The following CCDC122 variants were observed in gnomAD, a reference collection of about 807,000 sequenced individuals.
The protein encoded by CCDC122 is coiled-coil domain-containing protein 122.
Under a neutral mutation model 37.0 loss-of-function variants are expected in CCDC122, and 38 were observed. That is an observed-to-expected ratio of 1.03 (90% CI 0.79 to 1.35). The LOEUF (loss-of-function observed/expected upper bound fraction) is 1.35. CCDC122 is among the 40% of genes most tolerant of loss of function. The pLI is 0.00. For missense variants in CCDC122, 305 were observed against 310.0 expected (o/e 0.98, Z 0.12); for synonymous variants, 83 against 95.6 (o/e 0.87, Z 0.77).
At chr13:43,821,035 A>G (rs1388074158), downstream of CCDC122, among the ~76,000 whole-genome samples, 1 of 152,208 alleles carries the variant, frequency 6.6e-6, no homozygotes, top group Non-Finnish European at 1.5e-5. Flanking sequence ...TCCATATGCT[A>G]TTCCATAAGG....
intron 6 of CCDC122, among the ~76,000 whole-genome samples, chr13:43,841,109 A>T (rs1272495662): frequency 6.6e-6 from 1 of 152,188 alleles, no homozygotes; most frequent in African/African-American, 2.4e-5. Flanking sequence ...ACCCATCACA[A>T]TTTATTTTTC....
At chr13:43,860,691 A>G (rs978414970) in intron 4 of CCDC122, among the ~76,000 whole-genome samples, 5 of 152,116 alleles carry the variant, frequency 3.3e-5, no homozygotes, top group Non-Finnish European at 7.4e-5. Context: ...AGTTCCTTCA[A>G]ATATAGGTCT....
rs369528771 is a variant in CCDC122 at position 43,837,443 on chromosome 13, A to G, written c.673-14T>C. 1 of 1,606,938 alleles carries G rather than the reference A, an allele frequency of 6.2e-7. No individual in the cohort carries two copies. The highest frequency in any genetic ancestry group is 1.7e-5 in the Admixed American group (1 of 58,444). ...CTTATGTTGTACCTATCAAAAGAAG[A>G]GCACACATCAACAGGGCTTGTGAAG... On this transcript the variant is annotated splice_polypyrimidine_tract_variant and intron_variant, in intron 6 of 6. Transcript: ENST00000444614.
intron 6 of CCDC122, among the ~76,000 whole-genome samples, chr13:43,851,776 C>A (rs527414514): frequency 1.1e-4 from 17 of 152,274 alleles, no homozygotes; most frequent in African/African-American, 3.6e-4. Context: ...GGATTCCTAA[C>A]CTTGAGGGGC....
At chr13:43,875,369 C>T (rs1348671) in intron 1 of CCDC122, among the ~76,000 whole-genome samples, 77,062 of 152,002 alleles carry the variant, frequency 0.51, 19,991 homozygotes, top group African/African-American at 0.6. Flanking sequence ...GATATATCCA[C>T]GTCCTAACTC....
chr13:43,845,098 A>C (rs1953475916), intron 6 of CCDC122, among the ~76,000 whole-genome samples: 1 of 151,354 alleles, frequency 6.6e-6, no homozygotes, highest in African/African-American at 2.4e-5. Flanking sequence ...GTTCCATTTC[A>C]TTTCTTCCTT....
downstream of CCDC122, among the ~76,000 whole-genome samples, chr13:43,820,178 C>T (rs1952983606): frequency 6.6e-6 from 1 of 152,226 alleles, no homozygotes; most frequent in Non-Finnish European, 1.5e-5. Flanking sequence ...GTCAAAAATA[C>T]AGTAGAAACT....
At chr13:43,842,083 C>T (rs962718532) in intron 6 of CCDC122, among the ~76,000 whole-genome samples, 11 of 152,208 alleles carry the variant, frequency 7.2e-5, no homozygotes, top group Admixed American at 5.9e-4. Context: ...ATATTTTTCA[C>T]TATGGTTAGC....
At chr13:43,819,548 T>C (rs1262381548), downstream of CCDC122, among the ~76,000 whole-genome samples, 1 of 152,184 alleles carries the variant, frequency 6.6e-6, no homozygotes, top group Admixed American at 6.5e-5. Flanking sequence ...TGGAGATATG[T>C]CCAGTATATT....
At chr13:43,856,887 C>G (rs919898638) in intron 6 of CCDC122, among the ~76,000 whole-genome samples, 10 of 152,232 alleles carry the variant, frequency 6.6e-5, no homozygotes, top group South Asian at 4.1e-4. Flanking sequence ...CTAAATAAAT[C>G]AAGCCATCCA....
At chr13:43,863,008 T>C (rs544796357) in intron 4 of CCDC122, among the ~76,000 whole-genome samples, 1 of 152,176 alleles carries the variant, frequency 6.6e-6, no homozygotes, top group African/African-American at 2.4e-5. Flanking sequence ...TCTCTCTCCT[T>C]TTTAAACTTA....
intron 4 of CCDC122, among the ~76,000 whole-genome samples, chr13:43,867,681 A>G (rs1954315689): frequency 1.3e-5 from 2 of 152,178 alleles, no homozygotes; most frequent in South Asian, 4.1e-4. Flanking sequence ...GTAGGCTCTC[A>G]ATATAAATGG....
chr13:43,860,986 G>A (rs1489396682), intron 4 of CCDC122, among the ~76,000 whole-genome samples: 1 of 152,122 alleles, frequency 6.6e-6, no homozygotes. Flanking sequence ...AGTATATATT[G>A]CTGACATGAC....
intron 6 of CCDC122, chr13:43,848,821 T>C (rs1953629352): frequency 3.4e-5 from 30 of 883,106 alleles, no homozygotes; most frequent in Non-Finnish European, 4.1e-5. Context: ...AAAATAATGC[T>C]GTAGTCCAGG....
At position 43,847,902 on chromosome 13, in the gene CCDC122, G is replaced by A. The variant is rs544134510; in HGVS notation, c.673-10473C>T. On this transcript the variant is annotated intron_variant, in intron 6 of 6. Transcript: ENST00000444614. Reference sequence around the variant, plus strand: ...CAATCCTTCCACCTCAGCCTCCTGAGTAGCTGAAAATACAGGCACACACCA... The same window carrying A: ...CAATCCTTCCACCTCAGCCTCCTGAATAGCTGAAAATACAGGCACACACCA... 3.3e-5 allele frequency among the ~76,000 whole-genome samples: 5 copies of A among 152,218 alleles called. No individual in the cohort carries two copies. The South Asian group carries it at 8.3e-4, about 25-fold the overall frequency.
downstream of CCDC122, among the ~76,000 whole-genome samples, chr13:43,834,561 C>G (rs1158923397): frequency 1.3e-5 from 2 of 152,162 alleles, no homozygotes; most frequent in Non-Finnish European, 2.9e-5. Context: ...ATCTACTCAT[C>G]TGACAAAGGG....
chr13:43,864,608 T>C (rs745972458), intron 4 of CCDC122, among the ~76,000 whole-genome samples: 9 of 152,056 alleles, frequency 5.9e-5, no homozygotes, highest in Non-Finnish European at 1.0e-4. Flanking sequence ...GAGAACTCCT[T>C]TGCTCCCAAA....
At chr13:43,838,661 A>G (rs1953244364) in intron 6 of CCDC122, among the ~76,000 whole-genome samples, 1 of 152,154 alleles carries the variant, frequency 6.6e-6, no homozygotes. Flanking sequence ...AGTTTCCCAA[A>G]CAAGGCTTTT....
intron 4 of CCDC122, among the ~76,000 whole-genome samples, chr13:43,861,933 C>A (rs1188070331): frequency 6.6e-6 from 1 of 152,284 alleles, no homozygotes; most frequent in East Asian, 1.9e-4. Context: ...CTTACCCCCA[C>A]AACCTATTTC....
Sources: gnomAD v4.1 joint callset for allele counts (sites outside exome capture counted in the v4.1 genomes callset) on GRCh38, gnomAD v4.1.1 for gene constraint, MANE v1.5 for transcripts, NCBI Gene and HGNC (gene_info 2026-07-23, HGNC 2026-07-21) for gene names.